Variants in CNTNAP5 observed in about 807,000 individuals in gnomAD.
CNTNAP5 encodes contactin-associated protein-like 5.
A neutral mutation model predicts 150.2 loss-of-function variants in CNTNAP5; 72 were observed. That is an observed-to-expected ratio of 0.48 (90% confidence interval 0.40 to 0.58). The LOEUF (loss-of-function observed/expected upper bound fraction) is 0.58, where lower values mean the gene tolerates loss of function less well. Ranked by LOEUF, CNTNAP5 falls within the 20% of genes least tolerant of loss-of-function variation. The pLI, the probability that CNTNAP5 is intolerant of heterozygous loss-of-function variation, is 0.00. For synonymous variants in CNTNAP5, 672 were observed against 619.8 expected (o/e 1.08, Z -1.25); for missense variants, 1,636 against 1,626.2 (o/e 1.01, Z -0.10).
chr2:124,828,581 T>G (rs1257665741), intron 19 of CNTNAP5, among the ~76,000 whole-genome samples: 2 of 151,880 alleles, frequency 1.3e-5, no homozygotes, highest in Non-Finnish European at 2.9e-5. Context: ...TCAAAATATT[T>G]GAATTCCCTT....
intron 3 of CNTNAP5, among the ~76,000 whole-genome samples, chr2:124,414,051 C>A (rs907154442): frequency 2.6e-5 from 4 of 151,060 alleles, no homozygotes; most frequent in Non-Finnish European, 4.4e-5. Flanking sequence ...GGTACCATTT[C>A]CTGAGTTCCA....
At chr2:124,766,170 A>G (rs951525515) in intron 16 of CNTNAP5, among the ~76,000 whole-genome samples, 2 of 151,970 alleles carry the variant, frequency 1.3e-5, no homozygotes, top group Admixed American at 1.3e-4. Flanking sequence ...TTTATTGCTT[A>G]TAGATGGGGT....
intron 1 of CNTNAP5, among the ~76,000 whole-genome samples, chr2:124,221,161 A>G (rs1168369049): frequency 6.6e-6 from 1 of 152,192 alleles, no homozygotes; most frequent in Non-Finnish European, 1.5e-5. Flanking sequence ...CGGAATAGAA[A>G]TAAGTTCTCA....
chr2:124,891,671 G>A (rs1459248777), intron 21 of CNTNAP5, among the ~76,000 whole-genome samples: 1 of 152,156 alleles, frequency 6.6e-6, no homozygotes, highest in African/African-American at 2.4e-5. Context: ...GAAGGCAGGT[G>A]TAGAGAAGAA....
intron 4 of CNTNAP5, among the ~76,000 whole-genome samples, chr2:124,423,978 T>C (rs1692182894): frequency 6.6e-6 from 1 of 152,172 alleles, no homozygotes; most frequent in Admixed American, 6.5e-5. Flanking sequence ...TAATTAACTT[T>C]AAAAAACATT....
intron 7 of CNTNAP5, among the ~76,000 whole-genome samples, chr2:124,497,294 A>G (rs1192719287): frequency 1.3e-5 from 2 of 152,174 alleles, no homozygotes; most frequent in Non-Finnish European, 2.9e-5. Context: ...TAACTGACCA[A>G]TGTTTGACTA....
intron 13 of CNTNAP5, among the ~76,000 whole-genome samples, chr2:124,657,007 C>T (rs1032074927): frequency 2.0e-5 from 3 of 152,210 alleles, no homozygotes; most frequent in African/African-American, 7.2e-5. Context: ...GATGCCATGT[C>T]TGGCACAGAG....
intron 13 of CNTNAP5, among the ~76,000 whole-genome samples, chr2:124,704,775 A>G (rs553480910): frequency 2.0e-5 from 3 of 150,214 alleles, no homozygotes; most frequent in East Asian, 4.0e-4. Flanking sequence ...AACTTCTACC[A>G]CCTCACCTCC....
intron 7 of CNTNAP5, among the ~76,000 whole-genome samples, chr2:124,502,291 T>C (rs1053861090): frequency 3.3e-5 from 5 of 152,148 alleles, no homozygotes; most frequent in African/African-American, 1.2e-4. Flanking sequence ...GAGCCAGGCC[T>C]CTGGTCAGAT....
Position 124,085,076 on chromosome 2 carries a change from C to A in CNTNAP5, c.82+59344C>A, listed in dbSNP as rs866267337. On this transcript the variant is annotated intron_variant, in intron 1 of 23. Coordinates refer to ENST00000682447, the MANE Select transcript of CNTNAP5 (RefSeq NM_001367498.1). ...AGCTGGGATTACAGGCACCCACCAC[C>A]ACGCCCAGCTAATTTTTGTATTTTT... 4.6e-5 allele frequency among the ~76,000 whole-genome samples: 7 copies of A among 152,044 alleles called. No homozygotes were observed. In the Middle Eastern group the frequency reaches 0.01, roughly 223 times the overall value.
rs935098736 is a variant in CNTNAP5, at chr2:124,597,790, G to C, written c.1757-12011G>C. Among the ~76,000 whole-genome samples the C allele has an allele frequency of 6.6e-5, 10 of 151,756 alleles. No individual in the cohort carries two copies. In the South Asian group the frequency reaches 1.9e-3, roughly 29 times the overall value. ...TCACTTTCAGGCACACCAATCAGAC[G>C]TAGATTTGGTCTTTTCACATAGTCC... On this transcript the variant is annotated intron_variant, in intron 11 of 23. Transcript: ENST00000682447.
chr2:124,474,593 A>G, intron 6 of CNTNAP5, 146 bp from the exon 7 acceptor site: 1 of 627,922 alleles, frequency 1.6e-6, no homozygotes, highest in Non-Finnish European at 2.7e-6. Flanking sequence ...ATCCTTTTAA[A>G]TGTGTAATCA....
chr2:124,736,266 A>T (rs1680380720), intron 13 of CNTNAP5, among the ~76,000 whole-genome samples: 1 of 152,018 alleles, frequency 6.6e-6, no homozygotes, highest in Non-Finnish European at 1.5e-5. Context: ...ACAAAAAATG[A>T]CTTTAGATTT....
Position 124,790,146 on chromosome 2 carries a change from C to G in CNTNAP5, c.2992+5C>G, listed in dbSNP as rs115568798. 714 of 1,607,314 alleles carry G rather than the reference C, an allele frequency of 4.4e-4. 6 individuals carry two copies. In the African/African-American group the frequency reaches 7.7e-3, roughly 17 times the overall value. ...AAGGGCCCTTTTGCAAAAAAGGTAC[C>G]TTAGGCGCTCCTGTTTCTCCTGAGT... On this transcript the variant is annotated splice_donor_5th_base_variant and intron_variant, in intron 18 of 23. Coordinates refer to ENST00000682447, the MANE Select transcript of CNTNAP5 (RefSeq NM_001367498.1).
At chr2:124,622,618 T>C (rs563759099) in intron 12 of CNTNAP5, among the ~76,000 whole-genome samples, 3 of 152,100 alleles carry the variant, frequency 2.0e-5, no homozygotes, top group Non-Finnish European at 4.4e-5. Flanking sequence ...TTCTCCACAG[T>C]GTCATCAGCG....
At chr2:124,193,342 A>T (rs1685502930) in intron 1 of CNTNAP5, among the ~76,000 whole-genome samples, 1 of 152,146 alleles carries the variant, frequency 6.6e-6, no homozygotes, top group South Asian at 2.1e-4. Context: ...TGACTTATTT[A>T]TTATGTCCAC....
At chr2:124,392,393 C>T (rs1324866407) in intron 3 of CNTNAP5, among the ~76,000 whole-genome samples, 1 of 152,018 alleles carries the variant, frequency 6.6e-6, no homozygotes, top group African/African-American at 2.4e-5. Context: ...GTTGTCTTTA[C>T]AAATCTCTAG....
At chr2:124,499,295 A>G (rs1161894301) in intron 7 of CNTNAP5, among the ~76,000 whole-genome samples, 2 of 140,316 alleles carry the variant, frequency 1.4e-5, no homozygotes, top group East Asian at 1.9e-4. Context: ...AAAAGTAGCT[A>G]ATTATTACAA....
chr2:124,870,660 C>G (rs1211985938), intron 21 of CNTNAP5, among the ~76,000 whole-genome samples: 2 of 152,104 alleles, frequency 1.3e-5, no homozygotes, highest in African/African-American at 4.8e-5. Flanking sequence ...ATTAATAACT[C>G]AATGCATGGT....
Sources: gnomAD v4.1 joint callset for allele counts (sites outside exome capture counted in the v4.1 genomes callset) on GRCh38, gnomAD v4.1.1 for gene constraint, MANE v1.5 for transcripts, NCBI Gene and HGNC (gene_info 2026-07-23, HGNC 2026-07-21) for gene names.